Variants in IL1R2 observed in about 807,000 individuals in gnomAD.
IL1R2 encodes the protein interleukin-1 receptor type 2.
IL1R2 carries 46 observed loss-of-function variants against 39.5 expected under a neutral mutation model. The ratio of observed to expected loss-of-function variants is 1.16; its 90% CI spans 0.92 to 1.49. The LOEUF (loss-of-function observed/expected upper bound fraction) is 1.49. Among genes scored for constraint, IL1R2 ranks in the 40% most tolerant of loss-of-function variants. IL1R2 has a pLI of 0.00. For synonymous variants in IL1R2, 207 were observed against 189.6 expected, an observed-to-expected ratio of 1.09 and a Z score of -0.75; for missense variants, 537 against 502.0, an observed-to-expected ratio of 1.07 and a Z score of -0.67.
chr2:102,016,268 A>G, intron 4 of IL1R2: 1 of 446,722 alleles, frequency 2.2e-6, no homozygotes, highest in Non-Finnish European at 4.0e-6. Context: ...AAATAACAGT[A>G]CAATACAAAT....
intron 1 of IL1R2, among the ~76,000 whole-genome samples, chr2:101,995,484 G>A (rs979705296): frequency 6.6e-6 from 1 of 152,184 alleles, no homozygotes. Context: ...AAGGAGCACA[G>A]CCCAAACGAT....
intron 5 of IL1R2, among the ~76,000 whole-genome samples, chr2:102,020,755 C>G (rs1403388810): frequency 6.6e-6 from 1 of 152,108 alleles, no homozygotes; most frequent in Non-Finnish European, 1.5e-5. Flanking sequence ...TTCCGTGGAC[C>G]GGCACGGTCC....
At chr2:102,004,047 A>G (rs1367296341) in intron 1 of IL1R2, among the ~76,000 whole-genome samples, 2 of 150,510 alleles carry the variant, frequency 1.3e-5, no homozygotes. Context: ...GTCTATGTCT[A>G]TGTGCCTGTG....
At chr2:102,021,301 TTTTC>T (rs1017818851) in intron 5 of IL1R2, among the ~76,000 whole-genome samples, 2 of 139,262 alleles carry the variant, frequency 1.4e-5, no homozygotes, top group African/African-American at 5.9e-5. Flanking sequence ...CTTTCTTTTC[TTTTC>T]TTTTTTTTTT....
At chr2:102,022,619 A>G (rs931804204) in intron 6 of IL1R2, among the ~76,000 whole-genome samples, 4 of 152,238 alleles carry the variant, frequency 2.6e-5, no homozygotes, top group African/African-American at 9.6e-5. Context: ...AATAATTCAC[A>G]TCACCAAAAC....
In IL1R2 at chr2:101,995,892, C is replaced by A. The variant is rs536737340; in HGVS notation, c.-62+3881C>A. On this transcript the variant is annotated intron_variant, in intron 1 of 8. Transcript: ENST00000332549. Reference sequence around the variant, plus strand: ...GGAGATTATTCCTATTTATCAGAAGCAGAAGCAGGCATAGCAGGAGCAAGT... The same window carrying A: ...GGAGATTATTCCTATTTATCAGAAGAAGAAGCAGGCATAGCAGGAGCAAGT... 4.5e-4 allele frequency among the ~76,000 whole-genome samples: 68 copies of A among 152,234 alleles called. No homozygotes were observed. The South Asian group carries it at 0.013, about 30-fold the overall frequency.
At chr2:102,019,602 G>C (rs200141150) in intron 4 of IL1R2, 36 bp from the exon 5 acceptor site, 10 of 1,421,668 alleles carry the variant, frequency 7.0e-6, no homozygotes, top group Non-Finnish European at 9.8e-6. Flanking sequence ...ATGTATATTG[G>C]TATAATGTCA....
rs536898115 is a variant in IL1R2 at position 102,015,940 on chromosome 2, G to A, written c.402G>A (p.Pro134=). ...TTGAGAATACAGATGCTTTCCTGCC[G>A]TTCATCTCATACCCGCAAATTTTAA... The part of the protein sequence containing the change: ...RVFENTDAFL[P]FISYPQILTL... Residue 134 remains proline, a synonymous_variant, in exon 4 of 9, where the codon CCG becomes CCA. Transcript: ENST00000332549. The A allele has an allele frequency of 1.1e-5, 17 of 1,613,710 alleles. No homozygotes were observed. Among genetic ancestry groups the A allele is most frequent in the Middle Eastern group, 1.7e-4 (1 of 6,060 alleles).
At chr2:102,026,810 A>G (rs1271444413) in intron 8 of IL1R2, among the ~76,000 whole-genome samples, 4 of 152,352 alleles carry the variant, frequency 2.6e-5, no homozygotes, top group Non-Finnish European at 5.9e-5. Context: ...TTTCATATCA[A>G]TGTTTAATTG....
intron 1 of IL1R2, among the ~76,000 whole-genome samples, chr2:102,004,280 G>A (rs959389302): frequency 6.6e-6 from 1 of 152,084 alleles, no homozygotes; most frequent in Admixed American, 6.5e-5. Context: ...AGACACCTGG[G>A]AATCAAAGGC....
intron 4 of IL1R2, among the ~76,000 whole-genome samples, chr2:102,017,062 T>G (rs28385681): frequency 3.3e-5 from 5 of 152,270 alleles, no homozygotes; most frequent in Non-Finnish European, 7.4e-5. Context: ...AGAAAAAAGC[T>G]TACATAACAA....
Position 102,024,529 on chromosome 2 carries a change from A to G in IL1R2, c.752-4A>G. ...GTTGACGTGCTGTGCCTTGCCATCC[A>G]CAGGGTCAAGACTGACAATCCCGTG... On this transcript the variant is annotated splice_region_variant and splice_polypyrimidine_tract_variant and intron_variant, in intron 6 of 8. Coordinates refer to ENST00000332549, the MANE Select transcript of IL1R2 (RefSeq NM_004633.4). 6.2e-7 allele frequency: 1 copy of G among 1,613,002 alleles called. No individual in the cohort carries two copies. The highest frequency in any genetic ancestry group is 8.5e-7 in the Non-Finnish European group (1 of 1,179,042).
intron 1 of IL1R2, among the ~76,000 whole-genome samples, chr2:101,994,813 G>A (rs563377055): frequency 1.1e-4 from 17 of 152,254 alleles, no homozygotes; most frequent in African/African-American, 3.4e-4. Context: ...TTGTGCTGCC[G>A]GTCCATGGAC....
intron 5 of IL1R2, among the ~76,000 whole-genome samples, chr2:102,021,795 C>T (rs1230425390): frequency 2.0e-5 from 3 of 152,200 alleles, no homozygotes; most frequent in Non-Finnish European, 2.9e-5. Flanking sequence ...TATTTTGTGG[C>T]AGGCACTTTG....
intron 4 of IL1R2, 103 bp downstream of exon 4, chr2:102,016,154 C>CGTGTGTGT: frequency 1.2e-6 from 1 of 856,752 alleles, no homozygotes; most frequent in South Asian, 1.8e-5. Flanking sequence ...AGTGCACACA[C>CGTGTGTGT]ACACACGCAC....
intron 3 of IL1R2, among the ~76,000 whole-genome samples, chr2:102,010,540 C>T (rs3218860): frequency 0.041 from 6,186 of 149,744 alleles, 410 homozygotes; most frequent in African/African-American, 0.14. Flanking sequence ...CGAGCCACTG[C>T]GCTCCAGGCT....
Position 102,022,203 on chromosome 2 carries a change from C to T in IL1R2, c.705C>T (p.Thr235=), listed in dbSNP as rs1677443622. The T allele has an allele frequency of 6.2e-7, 1 of 1,613,590 alleles. No individual in the cohort carries two copies. The highest frequency in any genetic ancestry group is 2.2e-5 in the East Asian group (1 of 44,876). The change falls in exon 6 of 9, where the codon ACC becomes ACT. Residue 235 remains threonine, a synonymous_variant. Transcript: ENST00000332549. ...CTTTCTCAGAAAAAAAAGAAGAGAC[C>T]ATTCCTGTGATCATTTCCCCCCTCA... ...ELRIKKKKEE[T]IPVIISPLKT... is the part of the protein sequence containing the mutation.
intron 7 of IL1R2, 184 bp downstream of exon 7, chr2:102,024,852 T>A: frequency 1.4e-6 from 1 of 736,390 alleles, no homozygotes; most frequent in Non-Finnish European, 2.0e-6. Flanking sequence ...ACTTTCTCTG[T>A]AAATACTTAA....
At chr2:102,003,470 C>T (rs111207475) in intron 1 of IL1R2, among the ~76,000 whole-genome samples, 1 of 136,848 alleles carries the variant, frequency 7.3e-6, no homozygotes, top group Non-Finnish European at 1.6e-5. Flanking sequence ...GTGTCTGTGT[C>T]GGTGTCTAGG....
Sources: allele counts gnomAD v4.1 joint callset (sites outside exome capture counted in the v4.1 genomes callset), GRCh38; gene constraint gnomAD v4.1.1; transcripts MANE v1.5; gene names NCBI Gene and HGNC (gene_info 2026-07-23, HGNC 2026-07-21).